TENM2: variants seen among roughly 807,000 people sequenced by gnomAD.
TENM2 encodes the protein teneurin-2.
TENM2 carries 52 observed loss-of-function variants against 245.2 expected under a neutral mutation model. That is an observed-to-expected ratio of 0.21 (90% CI 0.17 to 0.27). TENM2 has a LOEUF of 0.27. Ranked by LOEUF, TENM2 falls within the 10% of genes least tolerant of loss-of-function variation. The pLI is 1.00. For synonymous variants in TENM2, 1,363 were observed against 1,438.9 expected, an observed-to-expected ratio of 0.95 and a Z score of 1.19; for missense variants, 3,046 against 3,666.8, an observed-to-expected ratio of 0.83 and a Z score of 4.37.
chr5:167,953,253 G>A (rs999396163), intron 4 of TENM2: 16 of 203,198 alleles, frequency 7.9e-5, no homozygotes, highest in African/African-American at 3.4e-4. Context: ...ATTCCAAACT[G>A]ACAGAAGTAT....
chr5:167,827,653 G>C (rs1332785464), intron 2 of TENM2, among the ~76,000 whole-genome samples: 2 of 141,068 alleles, frequency 1.4e-5, no homozygotes, highest in South Asian at 2.3e-4. Flanking sequence ...AGTTTAATGA[G>C]CGTGAATGAA....
chr5:167,142,023 A>AG, the TENM2 span, among the ~76,000 whole-genome samples: 10 of 151,802 alleles, frequency 6.6e-5, no homozygotes, highest in Non-Finnish European at 1.2e-4. Flanking sequence ...GCAAACTCGG[A>AG]GGGGGGGGAT....
the TENM2 span, among the ~76,000 whole-genome samples, chr5:167,145,008 C>T: frequency 1.3e-5 from 2 of 152,164 alleles, no homozygotes. Context: ...TGCAGGCATT[C>T]CTCGGCCCAT....
At chr5:168,260,378 G>A in exon 28 of TENM2, 1 of 1,613,952 alleles carries the variant, frequency 6.2e-7, no homozygotes. Flanking sequence ...TCCTCCCTAT[G>A]AATTGTCAGA....
chr5:167,076,525 T>G, the TENM2 span, among the ~76,000 whole-genome samples: 3 of 152,202 alleles, frequency 2.0e-5, no homozygotes, highest in Non-Finnish European at 2.9e-5. Flanking sequence ...CAATGCATCC[T>G]GCTGTGGCGT....
chr5:167,948,241 T>C (rs565662875), intron 3 of TENM2, among the ~76,000 whole-genome samples: 52 of 152,194 alleles, frequency 3.4e-4, no homozygotes, highest in Non-Finnish European at 1.3e-4. Context: ...GTATCGTTAC[T>C]CAACAAAGAA....
intron 3 of TENM2, among the ~76,000 whole-genome samples, chr5:167,882,738 G>T (rs918198124): frequency 8.5e-5 from 13 of 152,240 alleles, no homozygotes; most frequent in Admixed American, 2.6e-4. Context: ...GGGGGAAACT[G>T]CCCAGTGATC....
At chr5:167,843,385 G>A (rs762997789) in intron 2 of TENM2, among the ~76,000 whole-genome samples, 26 of 152,148 alleles carry the variant, frequency 1.7e-4, no homozygotes, top group Non-Finnish European at 2.9e-4. Context: ...ATACATAGTA[G>A]ACACTTGAAA....
exon 25 of TENM2, chr5:168,228,123 A>G: frequency 1.9e-6 from 3 of 1,588,968 alleles, no homozygotes; most frequent in Non-Finnish European, 2.6e-6. Context: ...TTTGGCAGGA[A>G]GCTCCGGGTA....
At chr5:167,415,286 C>G (rs1763108137) in intron 2 of TENM2, among the ~76,000 whole-genome samples, 1 of 151,962 alleles carries the variant, frequency 6.6e-6, no homozygotes, top group South Asian at 2.1e-4. Flanking sequence ...AAAAAAACTA[C>G]TACAGCTTTA....
intron 2 of TENM2, among the ~76,000 whole-genome samples, chr5:167,547,510 A>G (rs1772643574): frequency 6.6e-6 from 1 of 152,250 alleles, no homozygotes; most frequent in Admixed American, 6.5e-5. Flanking sequence ...TGAAATGTTT[A>G]TCTTAAATTT....
intron 4 of TENM2, among the ~76,000 whole-genome samples, chr5:167,974,430 G>A (rs1000001159): frequency 4.1e-5 from 6 of 145,250 alleles, no homozygotes; most frequent in Non-Finnish European, 9.3e-5. Context: ...GGAGGGAGGG[G>A]TGGAGGAAGG....
the TENM2 span, among the ~76,000 whole-genome samples, chr5:167,082,111 G>A: frequency 0.32 from 48,520 of 151,936 alleles, 9,227 homozygotes; most frequent in Non-Finnish European, 0.45. Context: ...CTTACAACAA[G>A]GCTGGGCATA....
chr5:167,566,857 G>A (rs1456769038), intron 2 of TENM2, among the ~76,000 whole-genome samples: 1 of 152,102 alleles, frequency 6.6e-6, no homozygotes, highest in Non-Finnish European at 1.5e-5. Context: ...TTTATGATAA[G>A]GTGGCTCCGC....
intron 2 of TENM2, among the ~76,000 whole-genome samples, chr5:167,772,642 G>A (rs1763479947): frequency 1.3e-5 from 2 of 150,098 alleles, no homozygotes; most frequent in African/African-American, 4.9e-5. Context: ...TTTTTTTGCA[G>A]TTTATAATAC....
At chr5:167,306,158 A>C (rs1488745269) in intron 1 of TENM2, 3 of 152,216 alleles carry the variant, frequency 2.0e-5, no homozygotes, top group Non-Finnish European at 2.9e-5. Context: ...CGCTAAAGGC[A>C]GTAGCCTGCT....
intron 2 of TENM2, among the ~76,000 whole-genome samples, chr5:167,700,536 AG>A: frequency 6.6e-6 from 1 of 152,294 alleles, no homozygotes; most frequent in South Asian, 2.1e-4. Flanking sequence ...GACTTCACAT[AG>A]CCAGGAAGGG....
chr5:167,211,668 C>T, the TENM2 span, among the ~76,000 whole-genome samples: 3 of 152,060 alleles, frequency 2.0e-5, no homozygotes, highest in Admixed American at 6.6e-5. Context: ...GTGGGTGTTC[C>T]CCTATATTTA....
intron 2 of TENM2, among the ~76,000 whole-genome samples, chr5:167,805,658 T>C (rs1766109838): frequency 6.6e-6 from 1 of 152,166 alleles, no homozygotes; most frequent in Admixed American, 6.5e-5. Flanking sequence ...TAAACCTATG[T>C]TTTATTTTTT....
Sources: gnomAD v4.1 joint callset for allele counts (sites outside exome capture counted in the v4.1 genomes callset) on GRCh38, gnomAD v4.1.1 for gene constraint, MANE v1.5 for transcripts, NCBI Gene and HGNC (gene_info 2026-07-23, HGNC 2026-07-21) for gene names.